ARHGEF9: variants seen among roughly 807,000 people sequenced by gnomAD.
The protein encoded by ARHGEF9 is Cdc42 guanine nucleotide exchange factor 9.
ARHGEF9 carries 2 observed loss-of-function variants against 41.3 expected under a neutral mutation model. That is an observed-to-expected ratio of 0.05 (90% CI 0.02 to 0.15). ARHGEF9 has a LOEUF of 0.15. ARHGEF9 is among the 10% of genes least tolerant of loss of function. The pLI is 1.00. For synonymous variants in ARHGEF9, 160 were observed against 154.4 expected (o/e 1.04, Z -0.27); for missense variants, 225 against 424.7 (o/e 0.53, Z 4.13).
chrX:63,695,428 C>T (rs782078767), intron 4 of ARHGEF9, among the ~76,000 whole-genome samples: 21 of 111,695 alleles, frequency 1.9e-4, no homozygotes, highest in African/African-American at 3.9e-4. Context: ...CCAACACATA[C>T]GACACTGCCA....
intron 4 of ARHGEF9, among the ~76,000 whole-genome samples, chrX:63,687,414 A>T (rs1230092087): frequency 9.0e-6 from 1 of 111,717 alleles, no homozygotes; most frequent in East Asian, 2.8e-4. Flanking sequence ...ACCAAGCCAG[A>T]CAGTGAAGAC....
chrX:63,712,256 C>T (rs1226758301), intron 2 of ARHGEF9, among the ~76,000 whole-genome samples: 8 of 111,935 alleles, frequency 7.1e-5, no homozygotes, highest in Non-Finnish European at 1.5e-4. Context: ...TATGATTCAA[C>T]AATTCCACTC....
intron 1 of ARHGEF9, chrX:63,724,998 A>C: frequency 3.1e-6 from 1 of 322,703 alleles, no homozygotes; most frequent in South Asian, 5.5e-5. Context: ...AGAACAAAGA[A>C]AGCTCCAGTC....
intron 8 of ARHGEF9, among the ~76,000 whole-genome samples, chrX:63,653,976 A>G (rs1342352780): frequency 1.8e-5 from 2 of 110,753 alleles, no homozygotes; most frequent in African/African-American, 3.3e-5. Context: ...GGAGAGAAAG[A>G]AAAAAGATTC....
At chrX:63,645,078 T>C (rs2147150753) in intron 8 of ARHGEF9, among the ~76,000 whole-genome samples, 1 of 110,758 alleles carries the variant, frequency 9.0e-6, no homozygotes, top group Non-Finnish European at 1.9e-5. Flanking sequence ...CCCAGTGTAA[T>C]AGTCTTCTGA....
chrX:63,739,655 G>A, intron 1 of ARHGEF9, among the ~76,000 whole-genome samples: 1 of 111,244 alleles, frequency 9.0e-6, no homozygotes, highest in Middle Eastern at 4.6e-3. Flanking sequence ...ATCCCCATTT[G>A]TAAAATGGAT....
intron 9 of ARHGEF9, chrX:63,639,936 C>T (rs2047517556): frequency 9.0e-6 from 1 of 111,398 alleles, no homozygotes; most frequent in South Asian, 3.8e-4. Context: ...GTAGAGAGTA[C>T]AATGATGGTT....
chrX:63,764,342 G>GA (rs2056081516), intron 1 of ARHGEF9, among the ~76,000 whole-genome samples: 1 of 112,652 alleles, frequency 8.9e-6, no homozygotes, highest in Non-Finnish European at 1.9e-5. Flanking sequence ...AGGATGTGGA[G>GA]AAAAAGGAAT....
intron 7 of ARHGEF9, 31 bp downstream of exon 7, chrX:63,665,855 T>C: frequency 8.3e-7 from 1 of 1,205,939 alleles, no homozygotes; most frequent in Non-Finnish European, 1.1e-6. Flanking sequence ...TAGGTACCCA[T>C]CTCCCTCAGG....
chrX:63,738,874 T>A (rs1335076937), intron 1 of ARHGEF9, among the ~76,000 whole-genome samples: 2 of 111,244 alleles, frequency 1.8e-5, no homozygotes, highest in African/African-American at 3.3e-5. Context: ...TCTTCTGGGC[T>A]CAGAATAGCA....
chrX:63,737,496 G>T (rs781880297), intron 1 of ARHGEF9, among the ~76,000 whole-genome samples: 1 of 112,219 alleles, frequency 8.9e-6, no homozygotes, highest in Non-Finnish European at 1.9e-5. Context: ...AATAAAAAAG[G>T]TCAGAAGACA....
intron 3 of ARHGEF9, chrX:63,701,746 CT>C (rs1271618130): frequency 9.0e-6 from 1 of 111,522 alleles, no homozygotes; most frequent in Non-Finnish European, 1.9e-5. Flanking sequence ...ACAAGGAACT[CT>C]TACAAATCAG....
intron 3 of ARHGEF9, chrX:63,701,396 C>A (rs1433161414): frequency 1.8e-4 from 20 of 110,044 alleles, no homozygotes; most frequent in African/African-American, 6.6e-4. Context: ...TGATAGGCGA[C>A]CTGACAAACA....
chrX:63,656,564 C>T (rs782714625), intron 7 of ARHGEF9: 3 of 111,521 alleles, frequency 2.7e-5, no homozygotes, highest in Non-Finnish European at 5.6e-5. Flanking sequence ...AAAGTTACAA[C>T]TCCAAGGCAT....
chrX:63,642,518 A>G (rs1556307322), intron 9 of ARHGEF9: 2 of 112,059 alleles, frequency 1.8e-5, no homozygotes, highest in Admixed American at 9.5e-5. Flanking sequence ...GAAAAGAGAC[A>G]ATAAGGGCCT....
At chrX:63,671,260 C>T (rs1440108861) in intron 6 of ARHGEF9, 1 of 111,686 alleles carries the variant, frequency 9.0e-6, no homozygotes, top group Non-Finnish European at 1.9e-5. Flanking sequence ...TAGACAACTT[C>T]TTGGGCAGGT....
intron 1 of ARHGEF9, among the ~76,000 whole-genome samples, chrX:63,729,920 C>G (rs782169763): frequency 8.9e-6 from 1 of 112,343 alleles, no homozygotes; most frequent in East Asian, 2.8e-4. Flanking sequence ...TCTTTGTATC[C>G]AGATTTCCGA....
At chrX:63,685,760 C>G (rs2050945430) in intron 4 of ARHGEF9, among the ~76,000 whole-genome samples, 2 of 111,604 alleles carry the variant, frequency 1.8e-5, no homozygotes, top group Admixed American at 1.9e-4. Context: ...ACCAATTAAC[C>G]TTGATCTGTA....
At position 63,635,497 on chromosome X, in the gene ARHGEF9, G is replaced by A; in HGVS notation, c.*2531C>T. On this transcript the variant is annotated 3_prime_UTR_variant, in exon 10 of 10. Transcript: ENST00000671741. ...TAACAGGTTAGGATACTGAACCCAG[G>A]TATTTAATTGGGCTCCCCTTGGGGC... The A allele has an allele frequency of 2.0e-6, 1 of 495,948 alleles. No individual in the cohort carries two copies. Among genetic ancestry groups the A allele is most frequent in the Non-Finnish European group, 3.6e-6 (1 of 276,460 alleles). The allele number at this position is 495,948 out of a possible 1,213,427, so 40.9% of individuals were successfully genotyped here.
Sources: allele counts gnomAD v4.1 joint callset (sites outside exome capture counted in the v4.1 genomes callset), GRCh38; gene constraint gnomAD v4.1.1; transcripts MANE v1.5; gene names NCBI Gene and HGNC (gene_info 2026-07-23, HGNC 2026-07-21).